SERINC5: variants seen among roughly 807,000 people sequenced by gnomAD.
SERINC5 encodes the protein serine incorporator 5.
In SERINC5, 41 loss-of-function variants were observed where a neutral mutation model predicts 63.1. That is an observed-to-expected ratio of 0.65 (90% confidence interval 0.51 to 0.84). The LOEUF (loss-of-function observed/expected upper bound fraction) is 0.84. Among genes scored for constraint, SERINC5 ranks in the 40% least tolerant of loss-of-function variants. SERINC5 has a pLI of 0.00. For missense variants in SERINC5, 523 were observed against 573.0 expected, an observed-to-expected ratio of 0.91 and a Z score of 0.89; for synonymous variants, 222 against 215.2, an observed-to-expected ratio of 1.03 and a Z score of -0.28.
At chr5:80,251,869 C>G (rs1752436783) in intron 1 of SERINC5, among the ~76,000 whole-genome samples, 1 of 47,988 alleles carries the variant, frequency 2.1e-5, no homozygotes, top group Admixed American at 2.1e-4. Flanking sequence ...GCGCATCTGC[C>G]TCGGGTGAAC....
In SERINC5 at chr5:80,243,772, T is replaced by TAAAA. The variant is rs1219001243; in HGVS notation, c.27+12123_27+12124insTTTT. ...ATAAATAAATAAATAAATAAATAAA[T>TAAAA]AAATAAATAAATAAAACAAAATAAA... On this transcript the variant is annotated intron_variant, in intron 1 of 11. Transcript: ENST00000507668. Among the ~76,000 whole-genome samples, 3 of 150,448 alleles carry TAAAA rather than the reference T, an allele frequency of 2.0e-5. No individual in the cohort carries two copies. The East Asian group carries it at 5.8e-4, about 29-fold the overall frequency.
intron 2 of SERINC5, among the ~76,000 whole-genome samples, chr5:80,192,703 T>C (rs577604447): frequency 1.3e-5 from 2 of 152,320 alleles, no homozygotes; most frequent in East Asian, 1.9e-4. Flanking sequence ...CTGCAGAGAC[T>C]GTCTCGCTGA....
intron 5 of SERINC5, among the ~76,000 whole-genome samples, chr5:80,174,404 A>ATAATAAT (rs1554064063): frequency 0.012 from 1,784 of 145,902 alleles, 12 homozygotes; most frequent in Middle Eastern, 0.025. Flanking sequence ...AATAATAATA[A>ATAATAAT]AAGAAAAAGA....
intron 7 of SERINC5, 94 bp downstream of exon 7, chr5:80,166,289 T>C: frequency 1.1e-6 from 1 of 899,578 alleles, no homozygotes; most frequent in Admixed American, 2.1e-5. Context: ...GCTCTCTATC[T>C]CCAAGGCCTC....
intron 10 of SERINC5, 99 bp from the exon 11 acceptor site, chr5:80,146,333 A>G: frequency 7.1e-7 from 1 of 1,413,044 alleles, no homozygotes; most frequent in Non-Finnish European, 9.7e-7. Flanking sequence ...GTCAGTAGAA[A>G]AGATGCCAGA....
intron 1 of SERINC5, among the ~76,000 whole-genome samples, chr5:80,247,660 G>T (rs1752223365): frequency 6.6e-6 from 1 of 152,106 alleles, no homozygotes; most frequent in South Asian, 2.1e-4. Context: ...CTGACAACCT[G>T]AATTTAGCTA....
At position 80,189,860 on chromosome 5, in the gene SERINC5, T is replaced by C. The variant is rs139495837; in HGVS notation, c.196-11796A>G. 2.3e-3 allele frequency among the ~76,000 whole-genome samples: 352 copies of C among 152,104 alleles called. 3 individuals are homozygous for C. Among genetic ancestry groups the C allele is most frequent in the Non-Finnish European group, 3.9e-3 (265 of 68,004 alleles). ...CCCAGAAGCTGGGACTAGAGGTGCA[T>C]GCCAACACATCCGCTACTTTTTTAC... On this transcript the variant is annotated intron_variant, in intron 2 of 11. Coordinates refer to ENST00000507668, the MANE Select transcript of SERINC5 (RefSeq NM_001174072.3).
At chr5:80,112,066 C>T (rs922710457) in intron 12 of SERINC5, among the ~76,000 whole-genome samples, 3 of 152,254 alleles carry the variant, frequency 2.0e-5, no homozygotes, top group Non-Finnish European at 4.4e-5. Flanking sequence ...TTCCTCCCCA[C>T]TGAGACAGCC....
chr5:80,237,254 T>C lies in SERINC5; in HGVS notation c.27+18642A>G, dbSNP rs991161964. 3.2e-4 allele frequency among the ~76,000 whole-genome samples: 49 copies of C among 152,174 alleles called. 1 individual carries two copies. Among genetic ancestry groups the C allele is most frequent in the Admixed American group, 2.6e-3 (40 of 15,264 alleles). ...TATTGGCATCTGGGGGTAAGTTAAATATCAGCTTTGCACAGGACTCTCTAA... is the reference window on the plus strand; with the variant it reads ...TATTGGCATCTGGGGGTAAGTTAAACATCAGCTTTGCACAGGACTCTCTAA... On this transcript the variant is annotated intron_variant, in intron 1 of 11. Transcript: ENST00000507668.
At chr5:80,178,104 G>A (rs371984014) in intron 2 of SERINC5, 40 bp from the exon 3 acceptor site, 10 of 1,405,580 alleles carry the variant, frequency 7.1e-6, no homozygotes, top group South Asian at 1.3e-5. Context: ...TTACAACTGA[G>A]TGAGAGGTGG....
At chr5:80,200,685 A>T (rs1054354708) in intron 2 of SERINC5, among the ~76,000 whole-genome samples, 5 of 152,196 alleles carry the variant, frequency 3.3e-5, no homozygotes, top group Admixed American at 3.3e-4. Context: ...TACAACCAGA[A>T]TTATAAAAGC....
rs1303721179 is a variant in SERINC5, at chr5:80,224,145, A to AAG, written c.28-21093_28-21092insCT. On this transcript the variant is annotated intron_variant, in intron 1 of 11. Transcript: ENST00000507668. Reference sequence around the variant, plus strand: ...CAAAACTCCGTCTCAAAAAAAAAAAAAAAAGAAAAAAGAAAAAGAAAAGTC... The same window carrying AAG: ...CAAAACTCCGTCTCAAAAAAAAAAAAAGAAAAGAAAAAAGAAAAAGAAAAGTC... 1.7e-3 allele frequency among the ~76,000 whole-genome samples: 250 copies of AAG among 150,088 alleles called. 2 individuals carry two copies. The highest frequency in any genetic ancestry group is 6.0e-3 in the African/African-American group (243 of 40,800).
chr5:80,190,608 G>A (rs1335243733), intron 2 of SERINC5, among the ~76,000 whole-genome samples: 2 of 152,176 alleles, frequency 1.3e-5, no homozygotes, highest in African/African-American at 4.8e-5. Context: ...AAGAGCTAAC[G>A]TTCTACTAGT....
chr5:80,145,413 T>C (rs1375031844), intron 11 of SERINC5, among the ~76,000 whole-genome samples: 1 of 144,878 alleles, frequency 6.9e-6, no homozygotes, highest in African/African-American at 2.6e-5. Flanking sequence ...TAGCAGTGGT[T>C]ATCTGTGTGG....
intron 1 of SERINC5, among the ~76,000 whole-genome samples, chr5:80,229,887 T>A (rs1751361440): frequency 6.6e-6 from 1 of 152,176 alleles, no homozygotes; most frequent in South Asian, 2.1e-4. Flanking sequence ...GGACTGAGAA[T>A]GTTTTCAAGG....
intron 11 of SERINC5, among the ~76,000 whole-genome samples, chr5:80,132,654 A>C (rs1223513488): frequency 6.6e-6 from 1 of 151,770 alleles, no homozygotes; most frequent in Non-Finnish European, 1.5e-5. Flanking sequence ...TTGTAGAGTC[A>C]AGATCTCATT....
intron 1 of SERINC5, among the ~76,000 whole-genome samples, chr5:80,243,877 G>A (rs1406477310): frequency 6.6e-6 from 1 of 152,096 alleles, no homozygotes; most frequent in Non-Finnish European, 1.5e-5. Flanking sequence ...AATCCCAGTT[G>A]ATGAGATTCC....
intron 2 of SERINC5, among the ~76,000 whole-genome samples, chr5:80,198,109 A>G (rs927301462): frequency 3.3e-5 from 5 of 152,172 alleles, no homozygotes; most frequent in African/African-American, 1.2e-4. Context: ...AAGTGCTGAC[A>G]TTACAGGCAT....
intron 11 of SERINC5, among the ~76,000 whole-genome samples, chr5:80,144,112 G>A (rs1745676077): frequency 1.3e-5 from 2 of 152,104 alleles, no homozygotes; most frequent in African/African-American, 4.8e-5. Context: ...GAATCACATG[G>A]TCTCTTGTGT....
Sources: allele counts gnomAD v4.1 joint callset (sites outside exome capture counted in the v4.1 genomes callset), GRCh38; gene constraint gnomAD v4.1.1; transcripts MANE v1.5; gene names NCBI Gene and HGNC (gene_info 2026-07-23, HGNC 2026-07-21).